Variants in PCNX2 observed in about 807,000 individuals in gnomAD.
PCNX2 encodes the protein pecanex 2.
In PCNX2, 168 loss-of-function variants were observed where a neutral mutation model predicts 223.8. That is an observed-to-expected ratio of 0.75 (90% confidence interval 0.66 to 0.85). The LOEUF (loss-of-function observed/expected upper bound fraction) is 0.85, where lower values mean the gene tolerates loss of function less well. PCNX2 is among the 40% of genes least tolerant of loss of function. The probability of loss-of-function intolerance (pLI) is 0.00; values close to 1 mark genes in which losing one functional copy is unlikely to be tolerated. For missense variants in PCNX2, 2,507 were observed against 2,675.5 expected, an observed-to-expected ratio of 0.94 and a Z score of 1.39; for synonymous variants, 1,006 against 1,052.6, an observed-to-expected ratio of 0.96 and a Z score of 0.86.
chr1:233,137,566 A>T (rs1676882141), intron 20 of PCNX2, among the ~76,000 whole-genome samples: 1 of 152,268 alleles, frequency 6.6e-6, no homozygotes, highest in African/African-American at 2.4e-5. Context: ...GCTATGGAAC[A>T]TAATTCTTGT....
chr1:233,250,306 GC>G, intron 8 of PCNX2, among the ~76,000 whole-genome samples: 1 of 152,264 alleles, frequency 6.6e-6, no homozygotes, highest in East Asian at 1.9e-4. Context: ...GTTATTCAAA[GC>G]ATTCTGAAGT....
At chr1:233,245,116 C>T (rs1009889007) in intron 8 of PCNX2, among the ~76,000 whole-genome samples, 1 of 152,266 alleles carries the variant, frequency 6.6e-6, no homozygotes, top group Non-Finnish European at 1.5e-5. Context: ...CTGTCCCTCA[C>T]CCCAGAACTC....
rs553601140 is a variant in PCNX2, at chr1:233,201,894, G to C, written c.2864-1630C>G. 5 of 174,174 alleles carry C rather than the reference G, an allele frequency of 2.9e-5. 1 individual carries two copies. Among genetic ancestry groups the C allele is most frequent in the African/African-American group, 1.2e-4 (5 of 41,914 alleles). 10.8% of individuals were successfully genotyped at this position (174,174 alleles called of 1,614,324 possible). The stretch of plus-strand genomic sequence containing the variant: ...TGGCATGAGGAAGATAAAATGGTAA[G>C]AAATACCAGAAAGTCATCCCTGGAG... On this transcript the variant is annotated intron_variant, in intron 13 of 33. Transcript: ENST00000258229.
chr1:233,042,533 A>C (rs1377278279), intron 25 of PCNX2, among the ~76,000 whole-genome samples: 3 of 152,194 alleles, frequency 2.0e-5, no homozygotes, highest in Non-Finnish European at 4.4e-5. Flanking sequence ...CCTGGGAGCT[A>C]TATCAATTAT....
chr1:233,117,562 C>G (rs1192943797), intron 21 of PCNX2, among the ~76,000 whole-genome samples: 2 of 144,668 alleles, frequency 1.4e-5, no homozygotes, highest in Non-Finnish European at 3.0e-5. Flanking sequence ...GATCGCGCCA[C>G]TGGACTACAG....
chr1:233,135,542 T>C (rs1676754864), intron 20 of PCNX2, among the ~76,000 whole-genome samples: 1 of 152,232 alleles, frequency 6.6e-6, no homozygotes, highest in Non-Finnish European at 1.5e-5. Context: ...CTTCTGAGCT[T>C]GTCTGAATTC....
chr1:233,118,691 A>T (rs1365123121), intron 21 of PCNX2, among the ~76,000 whole-genome samples: 1 of 152,132 alleles, frequency 6.6e-6, no homozygotes, highest in South Asian at 2.1e-4. Context: ...GCTAAAAGTT[A>T]AAAAAACTCT....
chr1:233,086,021 A>T (rs1673583450), intron 23 of PCNX2, among the ~76,000 whole-genome samples: 1 of 152,276 alleles, frequency 6.6e-6, no homozygotes, highest in Non-Finnish European at 1.5e-5. Flanking sequence ...CAACAAGAAC[A>T]TAAAGGCAAA....
At position 232,998,420 on chromosome 1, in the gene PCNX2, A is replaced by C. The variant is rs1669954463; in HGVS notation, c.5622T>G (p.Asn1874Lys). The change falls in exon 32 of 34, where the codon AAT (asparagine) becomes AAG (lysine). Residue 1874 changes from asparagine (N) to lysine (K), a missense_variant. Physicochemically the swap from Asn to Lys is moderately conservative, Grantham distance 94. Transcript: ENST00000258229. ...TKWVRMRKDC[N>K]ARQHSGGNIE... ...TGTTGCCGCCACTGTGCTGGCGGGCATTGCAATCCTTCCGCATCCTGTGGG... is the reference window on the plus strand; with the variant it reads ...TGTTGCCGCCACTGTGCTGGCGGGCCTTGCAATCCTTCCGCATCCTGTGGG... The C allele has an allele frequency of 3.1e-6, 5 of 1,611,408 alleles. No homozygotes were observed. Among genetic ancestry groups the C allele is most frequent in the Non-Finnish European group, 4.2e-6 (5 of 1,179,054 alleles).
At chr1:233,279,147 G>C (rs1245504092) in intron 1 of PCNX2, among the ~76,000 whole-genome samples, 2 of 152,064 alleles carry the variant, frequency 1.3e-5, no homozygotes, top group African/African-American at 4.8e-5. Flanking sequence ...ACTGATTCTA[G>C]GTTTTTCAGT....
chr1:233,166,970 C>T (rs1678832758), intron 17 of PCNX2, among the ~76,000 whole-genome samples: 1 of 151,886 alleles, frequency 6.6e-6, no homozygotes, highest in Non-Finnish European at 1.5e-5. Flanking sequence ...AATGGGAACC[C>T]ATCTCTATAT....
chr1:233,034,317 T>C (rs764533961), intron 25 of PCNX2, among the ~76,000 whole-genome samples: 25 of 152,086 alleles, frequency 1.6e-4, no homozygotes, highest in Non-Finnish European at 3.4e-4. Context: ...AGAACAGACA[T>C]GAGAGAACTT....
upstream of PCNX2, among the ~76,000 whole-genome samples, chr1:233,298,848 C>T (rs1662211577): frequency 6.6e-6 from 1 of 152,156 alleles, no homozygotes; most frequent in African/African-American, 2.4e-5. Context: ...TGCCACTGCA[C>T]TCCAGCCTGG....
At position 233,258,775 on chromosome 1, in the gene PCNX2, G is replaced by C. The variant is rs1659883735; in HGVS notation, c.1087C>G (p.Gln363Glu). 1 of 1,613,748 alleles carries C rather than the reference G, an allele frequency of 6.2e-7. No homozygotes were observed. The highest frequency in any genetic ancestry group is 1.3e-5 in the African/African-American group (1 of 74,892). Reference protein sequence around the residue: ...EVAVTLIDTSQPGDPLSLHEP... With the variant: ...EVAVTLIDTSEPGDPLSLHEP... ...TGTAGACTCAGTGGGTCTCCGGGTTGAGAAGTATCGATGAGAGTAACAGCT... is the reference window on the plus strand; with the variant it reads ...TGTAGACTCAGTGGGTCTCCGGGTTCAGAAGTATCGATGAGAGTAACAGCT... Residue 363 changes from glutamine (Q) to glutamate (E), a missense_variant, in exon 5 of 34, where the codon CAA (glutamine) becomes GAA (glutamate). Coordinates refer to ENST00000258229, the MANE Select transcript of PCNX2 (RefSeq NM_014801.4).
At chr1:233,150,018 C>T (rs12049140) in intron 19 of PCNX2, among the ~76,000 whole-genome samples, 2 of 151,986 alleles carry the variant, frequency 1.3e-5, no homozygotes, top group East Asian at 1.9e-4. Context: ...CTCCCAACCC[C>T]CTATGTGTTT....
rs370190950 is a variant in PCNX2, at chr1:233,041,654, G to C, written c.4351+12614C>G. On this transcript the variant is annotated intron_variant, in intron 25 of 33. Coordinates refer to ENST00000258229, the MANE Select transcript of PCNX2 (RefSeq NM_014801.4). ...TCTGGGTGGAGACTGGGAGCCTGCA[G>C]CTGTCTGCTGCTGCTCTTGCCTAAC... 8.5e-5 allele frequency among the ~76,000 whole-genome samples: 13 copies of C among 152,352 alleles called. 1 individual carries two copies. The East Asian group carries it at 1.5e-3, about 18-fold the overall frequency.
At chr1:233,109,473 G>A (rs1388824199) in intron 21 of PCNX2, among the ~76,000 whole-genome samples, 1 of 152,176 alleles carries the variant, frequency 6.6e-6, no homozygotes, top group East Asian at 1.9e-4. Flanking sequence ...CAGAGAGATG[G>A]AAACTATAAA....
chr1:233,275,834 A>G (rs12074435), intron 1 of PCNX2, among the ~76,000 whole-genome samples: 6,385 of 152,038 alleles, frequency 0.042, 456 homozygotes, highest in African/African-American at 0.14. Context: ...GATCGAGACC[A>G]TCCTGGCCAA....
At chr1:233,217,046 T>C (rs1457004821) in intron 12 of PCNX2, among the ~76,000 whole-genome samples, 1 of 152,166 alleles carries the variant, frequency 6.6e-6, no homozygotes, top group Non-Finnish European at 1.5e-5. Flanking sequence ...GAATGGTGGT[T>C]ACCAGGAGGC....
Sources: gnomAD v4.1 joint callset for allele counts (sites outside exome capture counted in the v4.1 genomes callset) on GRCh38, gnomAD v4.1.1 for gene constraint, MANE v1.5 for transcripts, NCBI Gene and HGNC (gene_info 2026-07-23, HGNC 2026-07-21) for gene names.